Variants in FGF13 observed in about 807,000 individuals in gnomAD.
FGF13 encodes fibroblast growth factor 13, also known as fibroblast growth factor homologous factor 2.
Under a neutral mutation model 19.5 loss-of-function variants are expected in FGF13, and 2 were observed. The observed-to-expected ratio is 0.10, with a 90% CI of 0.04 to 0.32. The LOEUF is 0.32. Among genes scored for constraint, FGF13 ranks in the 10% least tolerant of loss-of-function variants. The pLI is 1.00. For synonymous variants in FGF13, 72 were observed against 76.9 expected, an observed-to-expected ratio of 0.94 and a Z score of 0.33; for missense variants, 113 against 192.7, an observed-to-expected ratio of 0.59 and a Z score of 2.45.
At chrX:138,923,099 A>C (rs1377763452) in intron 1 of FGF13, among the ~76,000 whole-genome samples, 5 of 112,455 alleles carry the variant, frequency 4.4e-5, no homozygotes, top group Non-Finnish European at 9.4e-5. Flanking sequence ...TGAAATAAAA[A>C]TACATTTCTA....
intron 1 of FGF13, among the ~76,000 whole-genome samples, chrX:139,006,082 G>A (rs748318805): frequency 9.0e-6 from 1 of 111,194 alleles, no homozygotes; most frequent in Non-Finnish European, 1.9e-5. Context: ...CTACAAAAAA[G>A]TTATAGAACA....
At chrX:138,897,095 C>T (rs1461899597) in intron 1 of FGF13, among the ~76,000 whole-genome samples, 2 of 111,494 alleles carry the variant, frequency 1.8e-5, no homozygotes, top group East Asian at 2.8e-4. Context: ...CTGCAACCTC[C>T]GCCTCCCAGG....
intron 1 of FGF13, among the ~76,000 whole-genome samples, chrX:138,919,643 A>G (rs2091634810): frequency 1.8e-5 from 2 of 111,852 alleles, no homozygotes; most frequent in Non-Finnish European, 3.8e-5. Flanking sequence ...AATTTCTTTT[A>G]TCTAGTACTT....
At chrX:138,946,644 T>C (rs1443155808) in intron 1 of FGF13, among the ~76,000 whole-genome samples, 1 of 111,981 alleles carries the variant, frequency 8.9e-6, no homozygotes, top group Admixed American at 9.5e-5. Context: ...CCATGTAAAC[T>C]CTAAATGATG....
At chrX:138,923,527 T>C (rs1393464740) in intron 1 of FGF13, among the ~76,000 whole-genome samples, 2 of 112,222 alleles carry the variant, frequency 1.8e-5, no homozygotes, top group East Asian at 5.6e-4. Context: ...CGTGAAACAG[T>C]GCCAGGCAAG....
At chrX:139,032,394 T>G (rs777407876) in intron 1 of FGF13, among the ~76,000 whole-genome samples, 1 of 111,425 alleles carries the variant, frequency 9.0e-6, no homozygotes, top group African/African-American at 3.3e-5. Flanking sequence ...AGGGTTCTTT[T>G]GAAGCACAGT....
At chrX:138,971,129 T>G (rs2091913806) in intron 1 of FGF13, among the ~76,000 whole-genome samples, 1 of 111,291 alleles carries the variant, frequency 9.0e-6, no homozygotes, top group Admixed American at 9.6e-5. Flanking sequence ...TGGTGAGAAA[T>G]AGGACAGGGT....
intron 1 of FGF13, among the ~76,000 whole-genome samples, chrX:138,949,797 T>G (rs182928667): frequency 9.0e-6 from 1 of 111,212 alleles, no homozygotes; most frequent in African/African-American, 3.3e-5. Flanking sequence ...AGAAAAGAGG[T>G]AAGGGTATAT....
intron 1 of FGF13, among the ~76,000 whole-genome samples, chrX:139,103,148 T>C (rs1377044602): frequency 1.8e-5 from 2 of 111,870 alleles, no homozygotes; most frequent in Non-Finnish European, 3.8e-5. Context: ...AAGAAACCAG[T>C]GATGACTTCT....
intron 1 of FGF13, among the ~76,000 whole-genome samples, chrX:138,993,341 A>G (rs2092026994): frequency 8.9e-6 from 1 of 112,104 alleles, no homozygotes; most frequent in South Asian, 3.7e-4. Flanking sequence ...TGGGAATAGA[A>G]GAAGTTAAAA....
intron 1 of FGF13, among the ~76,000 whole-genome samples, chrX:139,117,230 G>A (rs1291306258): frequency 1.8e-5 from 2 of 111,433 alleles, no homozygotes; most frequent in African/African-American, 6.5e-5. Flanking sequence ...TGGAAAGGGA[G>A]GTGCTGCTGG....
chrX:138,943,539 AAAATGTCATTCACT>A (rs371424694), intron 1 of FGF13, among the ~76,000 whole-genome samples: 150 of 112,213 alleles, frequency 1.3e-3, no homozygotes, highest in African/African-American at 4.7e-3. Context: ...CTGTCTGTCA[AAAATGTCATTCACT>A]AAATGTCATT....
At chrX:139,058,649 AAAGT>A (rs1303374800) in intron 1 of FGF13, among the ~76,000 whole-genome samples, 1 of 112,423 alleles carries the variant, frequency 8.9e-6, no homozygotes, top group Non-Finnish European at 1.9e-5. Flanking sequence ...TGAACATACT[AAAGT>A]AAGATGAAAA....
chrX:138,639,815 C>T (rs187619397), intron 3 of FGF13, among the ~76,000 whole-genome samples: 1 of 109,496 alleles, frequency 9.1e-6, no homozygotes, highest in African/African-American at 3.3e-5. Context: ...ACAGTGAAAC[C>T]CTGTCTCTAC....
intron 1 of FGF13, among the ~76,000 whole-genome samples, chrX:139,114,286 A>G (rs1175038974): frequency 1.8e-5 from 2 of 112,552 alleles, no homozygotes; most frequent in Non-Finnish European, 3.8e-5. Flanking sequence ...TACAAAATAC[A>G]TGAATCAGGA....
chrX:139,012,800 G>T (rs1056329358), intron 1 of FGF13, among the ~76,000 whole-genome samples: 2 of 112,101 alleles, frequency 1.8e-5, no homozygotes, highest in Admixed American at 1.9e-4. Flanking sequence ...AAGATTTCAT[G>T]ACCAAGAATG....
chrX:139,013,318 T>G (rs1473548575), intron 1 of FGF13, among the ~76,000 whole-genome samples: 2 of 108,037 alleles, frequency 1.9e-5, no homozygotes, highest in Non-Finnish European at 3.8e-5. Flanking sequence ...GATCTACCAT[T>G]TGATCCAGCA....
At chrX:138,781,984 G>C (rs1162711342) in intron 3 of FGF13, among the ~76,000 whole-genome samples, 1 of 111,692 alleles carries the variant, frequency 9.0e-6, no homozygotes, top group Non-Finnish European at 1.9e-5. Flanking sequence ...TTCATCCCTG[G>C]GATGCAAGGC....
At chrX:138,749,322 T>TACAC (rs34038080) in intron 3 of FGF13, among the ~76,000 whole-genome samples, 2,081 of 81,646 alleles carry the variant, frequency 0.025, 48 homozygotes, top group Admixed American at 0.051. Context: ...GAGACCAAAA[T>TACAC]ACACACACAC....
Sources: gnomAD v4.1 joint callset for allele counts (sites outside exome capture counted in the v4.1 genomes callset) on GRCh38, gnomAD v4.1.1 for gene constraint, MANE v1.5 for transcripts, NCBI Gene and HGNC (gene_info 2026-07-23, HGNC 2026-07-21) for gene names.